SEZ6L: variants seen among roughly 807,000 people sequenced by gnomAD.
SEZ6L encodes seizure 6-like protein.
Under a neutral mutation model 106.2 loss-of-function variants are expected in SEZ6L, and 37 were observed. That is an observed-to-expected ratio of 0.35 (90% confidence interval 0.27 to 0.46). The LOEUF (loss-of-function observed/expected upper bound fraction) is 0.46. Ranked by LOEUF, SEZ6L falls within the 20% of genes least tolerant of loss-of-function variation. The pLI is 1.00. For synonymous variants in SEZ6L, 541 were observed against 570.4 expected (o/e 0.95, Z 0.73); for missense variants, 1,172 against 1,332.8 (o/e 0.88, Z 1.88).
intron 1 of SEZ6L, among the ~76,000 whole-genome samples, chr22:26,245,324 A>G (rs142030227): frequency 0.01 from 1,568 of 152,290 alleles, 19 homozygotes; most frequent in Middle Eastern, 0.027. Context: ...ACTGGGATGC[A>G]GTAAAATTGA....
chr22:26,192,845 G>T (rs1013122662), intron 1 of SEZ6L, among the ~76,000 whole-genome samples: 3 of 152,162 alleles, frequency 2.0e-5, no homozygotes, highest in African/African-American at 7.2e-5. Context: ...TAATAAAATA[G>T]ATGTGTAAAG....
At position 26,178,834 on chromosome 22, in the gene SEZ6L, G is replaced by A. The variant is rs961718103; in HGVS notation, c.94+9071G>A. On this transcript the variant is annotated intron_variant, in intron 1 of 16. Transcript: ENST00000248933. ...AGTGGGTGGTAGTGATGAGGATGAA[G>A]AGGGGAATTATGAGTTGCTGTTGTT... is the stretch of plus-strand genomic sequence containing the variant. 3.9e-5 allele frequency among the ~76,000 whole-genome samples: 6 copies of A among 152,310 alleles called. 1 individual carries two copies. Among genetic ancestry groups the A allele is most frequent in the Middle Eastern group, 6.8e-3 (2 of 294 alleles).
intron 1 of SEZ6L, among the ~76,000 whole-genome samples, chr22:26,257,241 A>C (rs2079852051): frequency 6.6e-6 from 1 of 152,164 alleles, no homozygotes; most frequent in African/African-American, 2.4e-5. Flanking sequence ...AGGTAAATGC[A>C]CCTAAGCAAG....
At chr22:26,310,950 C>T (rs1039755779) in intron 7 of SEZ6L, 114 bp downstream of exon 7, 3 of 1,005,284 alleles carry the variant, frequency 3.0e-6, no homozygotes, top group Non-Finnish European at 4.4e-6. Context: ...AATCCCATGG[C>T]CATGTGGATC....
intron 9 of SEZ6L, among the ~76,000 whole-genome samples, chr22:26,324,970 G>A (rs1338516304): frequency 6.6e-6 from 1 of 152,146 alleles, no homozygotes; most frequent in Admixed American, 6.5e-5. Context: ...GGGTCTATGG[G>A]CAGCCACTGG....
intron 6 of SEZ6L, among the ~76,000 whole-genome samples, chr22:26,309,278 A>G (rs1171341092): frequency 6.6e-6 from 1 of 152,258 alleles, no homozygotes; most frequent in Non-Finnish European, 1.5e-5. Flanking sequence ...AACAATAAAA[A>G]TAAATACCCA....
At chr22:26,341,089 T>C (rs535194205) in intron 10 of SEZ6L, among the ~76,000 whole-genome samples, 1 of 152,220 alleles carries the variant, frequency 6.6e-6, no homozygotes, top group African/African-American at 2.4e-5. Flanking sequence ...TTCACCTTCT[T>C]GCCCGAACTG....
intron 9 of SEZ6L, among the ~76,000 whole-genome samples, chr22:26,315,385 G>C (rs2081968259): frequency 6.6e-6 from 1 of 152,024 alleles, no homozygotes; most frequent in South Asian, 2.1e-4. Context: ...AGGCTGAGAT[G>C]GGAGGATCTC....
chr22:26,214,763 G>A (rs1210439158), intron 1 of SEZ6L, among the ~76,000 whole-genome samples: 1 of 152,164 alleles, frequency 6.6e-6, no homozygotes, highest in African/African-American at 2.4e-5. Context: ...GAGACTGAAA[G>A]GAGAAGGGGA....
intron 1 of SEZ6L, among the ~76,000 whole-genome samples, chr22:26,194,340 A>G (rs1362255690): frequency 6.6e-6 from 1 of 152,212 alleles, no homozygotes; most frequent in African/African-American, 2.4e-5. Flanking sequence ...ATGCAAATGG[A>G]AGACAATGGT....
intron 1 of SEZ6L, among the ~76,000 whole-genome samples, chr22:26,173,258 T>C (rs1372941132): frequency 6.6e-6 from 1 of 152,236 alleles, no homozygotes; most frequent in East Asian, 1.9e-4. Flanking sequence ...CTGCTCCTAT[T>C]AGTAGACACC....
chr22:26,365,685 CA>C, intron 13 of SEZ6L, 119 bp downstream of exon 13: 1 of 838,148 alleles, frequency 1.2e-6, no homozygotes, highest in Non-Finnish European at 1.8e-6. Flanking sequence ...CCAGCCGAGG[CA>C]ACATAGTGAG....
At chr22:26,311,648 T>G in intron 7 of SEZ6L, 120 bp from the exon 8 acceptor site, 2 of 872,632 alleles carry the variant, frequency 2.3e-6, no homozygotes, top group Non-Finnish European at 3.6e-6. Flanking sequence ...GGACACGTAA[T>G]TTGGTACCTG....
chr22:26,335,425 T>C (rs961454650), intron 9 of SEZ6L, among the ~76,000 whole-genome samples: 3 of 152,188 alleles, frequency 2.0e-5, no homozygotes, highest in Non-Finnish European at 4.4e-5. Context: ...TGTGCTCCTC[T>C]GGCTGGGAAT....
chr22:26,180,408 G>T (rs1939315030), intron 1 of SEZ6L, among the ~76,000 whole-genome samples: 1 of 152,160 alleles, frequency 6.6e-6, no homozygotes, highest in Non-Finnish European at 1.5e-5. Flanking sequence ...TCGGGGTTAG[G>T]AGTTGACTTT....
At chr22:26,351,568 A>C in intron 12 of SEZ6L, 1 of 220,988 alleles carries the variant, frequency 4.5e-6, no homozygotes. Flanking sequence ...TTGGTTTTAG[A>C]TGGAATTCCA....
chr22:26,334,425 C>A (rs571591517), intron 9 of SEZ6L, among the ~76,000 whole-genome samples: 1 of 152,156 alleles, frequency 6.6e-6, no homozygotes, highest in Non-Finnish European at 1.5e-5. Context: ...GTCATGTTTC[C>A]GAGGTTCACC....
intron 3 of SEZ6L, 101 bp from the exon 4 acceptor site, chr22:26,296,787 C>G: frequency 9.9e-7 from 1 of 1,007,200 alleles, no homozygotes; most frequent in Non-Finnish European, 1.4e-6. Context: ...CAGGGGCTAG[C>G]AGTACCTGGG....
intron 1 of SEZ6L, among the ~76,000 whole-genome samples, chr22:26,282,002 A>G (rs973682088): frequency 6.6e-6 from 1 of 152,196 alleles, no homozygotes; most frequent in Non-Finnish European, 1.5e-5. Context: ...TTATTGATGT[A>G]TTCTTGATTT....
Sources: gnomAD v4.1 joint callset for allele counts (sites outside exome capture counted in the v4.1 genomes callset) on GRCh38, gnomAD v4.1.1 for gene constraint, MANE v1.5 for transcripts, NCBI Gene and HGNC (gene_info 2026-07-23, HGNC 2026-07-21) for gene names.